Variants in SS18L1 observed in about 807,000 individuals in gnomAD.
SS18L1 encodes calcium-responsive transactivator.
SS18L1 carries 32 observed loss-of-function variants against 70.3 expected under a neutral mutation model. The observed-to-expected ratio is 0.46, with a 90% confidence interval of 0.34 to 0.61. The LOEUF (loss-of-function observed/expected upper bound fraction) is 0.61, where lower values mean the gene tolerates loss of function less well. SS18L1 is among the 20% of genes least tolerant of loss of function. The pLI is 0.01. For missense variants in SS18L1, 430 were observed against 542.1 expected, an observed-to-expected ratio of 0.79 and a Z score of 2.05; for synonymous variants, 237 against 229.7, an observed-to-expected ratio of 1.03 and a Z score of -0.29.
Position 62,172,781 on chromosome 20 carries a change from C to A in SS18L1, c.1016C>A (p.Pro339His). 6.2e-7 allele frequency: 1 copy of A among 1,613,948 alleles called. No individual in the cohort carries two copies. Among genetic ancestry groups the A allele is most frequent in the East Asian group, 2.2e-5 (1 of 44,866 alleles). ...QQQYPSQQSY[P>H]GQQQGYGSAQ... The stretch of plus-strand genomic sequence containing the variant: ...CAGTACCCCAGCCAGCAGAGCTACC[C>A]CGGGCAGCAGCAGGGCTACGGTAAG... Residue 339 changes from proline (P) to histidine (H), a missense_variant, in exon 9 of 11, where the codon CCC (proline) becomes CAC (histidine). Pro to His is a moderately conservative substitution (Grantham distance 77). Coordinates refer to ENST00000331758, the MANE Select transcript of SS18L1 (RefSeq NM_198935.3).
intron 1 of SS18L1, among the ~76,000 whole-genome samples, chr20:62,148,319 T>C (rs1364475233): frequency 2.0e-5 from 3 of 148,300 alleles, no homozygotes; most frequent in African/African-American, 7.4e-5. Context: ...CTGTCTTAGG[T>C]GAGGGAGGCT....
intron 7 of SS18L1, among the ~76,000 whole-genome samples, 158 bp from the exon 8 acceptor site, chr20:62,165,264 C>A (rs1318885280): frequency 2.6e-5 from 4 of 152,138 alleles, no homozygotes; most frequent in Non-Finnish European, 5.9e-5. Flanking sequence ...GGCCGAGGCT[C>A]AGGAGGTTGG....
chr20:62,172,087 G>A (rs988015983), intron 8 of SS18L1, among the ~76,000 whole-genome samples: 2 of 147,050 alleles, frequency 1.4e-5, no homozygotes, highest in African/African-American at 5.4e-5. Flanking sequence ...GCGTGAACCC[G>A]GGTGGGGCGG....
chr20:62,154,441 C>T (rs1016760389), intron 1 of SS18L1: 96 of 1,036,474 alleles, frequency 9.3e-5, no homozygotes, highest in Non-Finnish European at 1.0e-4. Context: ...AGGATCAGAC[C>T]GTAGCCCTTC....
chr20:62,148,189 C>T (rs554672264), intron 1 of SS18L1, among the ~76,000 whole-genome samples: 3 of 152,378 alleles, frequency 2.0e-5, no homozygotes, highest in Admixed American at 6.5e-5. Flanking sequence ...CTGGGCTCAG[C>T]CCCGGGGAGG....
chr20:62,162,674 A>C (rs1194050729), intron 4 of SS18L1, 78 bp from the exon 5 acceptor site: 3 of 1,465,612 alleles, frequency 2.0e-6, no homozygotes, highest in Non-Finnish European at 2.7e-6. Context: ...ACTTGAAGGG[A>C]AATTGGGGTG....
rs916585502 is a variant in SS18L1 at position 62,159,334 on chromosome 20, G to A, written c.147-543G>A. Among the ~76,000 whole-genome samples, 2 of 152,210 alleles carry A rather than the reference G, an allele frequency of 1.3e-5. No individual in the cohort carries two copies. Among genetic ancestry groups the A allele is most frequent in the Non-Finnish European group, 2.9e-5 (2 of 68,026 alleles). ...GTGGCCGTCAGACTGACCTGGAGGT[G>A]GGAAGTGCGTGAATGGCCTCAGACA... On this transcript the variant is annotated intron_variant, in intron 2 of 10. Coordinates refer to ENST00000331758, the MANE Select transcript of SS18L1 (RefSeq NM_198935.3). The surrounding 1 kb of genome is among the most constrained non-coding windows in gnomAD (Gnocchi z 4.4).
Position 62,174,937 on chromosome 20 carries a change from G to A in SS18L1, c.1164+293G>A, listed in dbSNP as rs894224765. On this transcript the variant is annotated intron_variant, in intron 10 of 10. Coordinates refer to ENST00000331758, the MANE Select transcript of SS18L1 (RefSeq NM_198935.3). This position sits in a 1 kb window ranked among gnomAD's most constrained non-coding sequence, Gnocchi z 4.1. ...TTTGTCACGTACTGGGTACGCGTCC[G>A]GTCTCTGCTGAGTGCTTGGTGTGTG... is the stretch of plus-strand genomic sequence containing the variant. 63 of 981,812 alleles carry A rather than the reference G, an allele frequency of 6.4e-5. No individual in the cohort carries two copies. Among genetic ancestry groups the A allele is most frequent in the Non-Finnish European group, 6.9e-5 (57 of 826,764 alleles). 60.8% of individuals were successfully genotyped at this position (981,812 alleles called of 1,614,324 possible).
chr20:62,145,358 T>C (rs570966523), intron 1 of SS18L1, among the ~76,000 whole-genome samples: 1 of 152,286 alleles, frequency 6.6e-6, no homozygotes, highest in African/African-American at 2.4e-5. Flanking sequence ...CACAGCCAGG[T>C]GTCGATCCCA....
chr20:62,173,562 T>C (rs755695802), intron 9 of SS18L1, among the ~76,000 whole-genome samples: 1 of 151,552 alleles, frequency 6.6e-6, no homozygotes, highest in Non-Finnish European at 1.5e-5. Context: ...ATACAAAAAT[T>C]AGCTGGGCAT....
rs201677571 is a variant in SS18L1, at chr20:62,167,038, G to GTTT, written c.916+1525_916+1527dup. On this transcript the variant is annotated intron_variant, in intron 8 of 10. Transcript: ENST00000331758. ...GAGGATTGCTTGAGCTCAGGAGTTT[G>GTTT]TTTGTTTTTTTTTTTTTTTTTTTTT... Among the ~76,000 whole-genome samples, 45 of 110,934 alleles carry GTTT rather than the reference G, an allele frequency of 4.1e-4. 2 individuals carry two copies. Among genetic ancestry groups the GTTT allele is most frequent in the African/African-American group, 2.0e-3 (44 of 21,548 alleles). The allele number at this position is 110,934 out of a possible 152,430, so 72.8% of individuals were successfully genotyped here.
intron 8 of SS18L1, among the ~76,000 whole-genome samples, chr20:62,170,148 A>G (rs2057504423): frequency 6.6e-6 from 1 of 152,166 alleles, no homozygotes. Context: ...TGTTTCACAC[A>G]CAGATGCGCC....
intron 1 of SS18L1, among the ~76,000 whole-genome samples, chr20:62,156,087 G>A (rs370161181): frequency 4.3e-4 from 66 of 151,950 alleles, no homozygotes; most frequent in African/African-American, 1.3e-3. Context: ...TAAACCTCGC[G>A]GCACTGCCCT....
intron 8 of SS18L1, among the ~76,000 whole-genome samples, chr20:62,169,371 C>A (rs1408752663): frequency 6.6e-6 from 1 of 152,364 alleles, no homozygotes; most frequent in African/African-American, 2.4e-5. Context: ...AGGGCTCAGG[C>A]AGTCCAGAGC....
At position 62,159,606 on chromosome 20, in the gene SS18L1, G is replaced by A. The variant is rs192532237; in HGVS notation, c.147-271G>A. ...TCTGAACAGACCAATGCCAGCTTCCGCTTAGCTGTTACCTTAGAGTCTTTC... is the reference window on the plus strand; with the variant it reads ...TCTGAACAGACCAATGCCAGCTTCCACTTAGCTGTTACCTTAGAGTCTTTC... On this transcript the variant is annotated intron_variant, in intron 2 of 10. Coordinates refer to ENST00000331758, the MANE Select transcript of SS18L1 (RefSeq NM_198935.3). This position sits in a 1 kb window ranked among gnomAD's most constrained non-coding sequence, Gnocchi z 4.4. Among the ~76,000 whole-genome samples, 5 of 152,180 alleles carry A rather than the reference G, an allele frequency of 3.3e-5. No individual in the cohort carries two copies. Among genetic ancestry groups the A allele is most frequent in the Admixed American group, 2.0e-4 (3 of 15,292 alleles).
In SS18L1 at chr20:62,180,666, C is replaced by T. The variant is rs916357435; in HGVS notation, c.*1458C>T. 12 of 162,390 alleles carry T rather than the reference C, an allele frequency of 7.4e-5. No homozygotes were observed. The highest frequency in any genetic ancestry group is 2.4e-4 in the African/African-American group (10 of 41,732). The allele number at this position is 162,390 out of a possible 1,614,324, so 10.1% of individuals were successfully genotyped here. The stretch of plus-strand genomic sequence containing the variant: ...ATCCCAGCACTTTGGGAGGCCGAAG[C>T]GGGCGGATCACCTGAGGTCGGGAGT... On this transcript the variant is annotated 3_prime_UTR_variant, in exon 11 of 11. Transcript: ENST00000331758.
At position 62,159,085 on chromosome 20, in the gene SS18L1, A is replaced by G. The variant is rs1198633765; in HGVS notation, c.146+337A>G. On this transcript the variant is annotated intron_variant, in intron 2 of 10. Transcript: ENST00000331758. The surrounding 1 kb of genome is among the most constrained non-coding windows in gnomAD (Gnocchi z 4.4). ...AGAGTCCCTGGCACAGCTGCGAAGC[A>G]TTGCTGCCAGAACTGGGGTAGTTCT... 2 of 1,440,372 alleles carry G rather than the reference A, an allele frequency of 1.4e-6. No individual in the cohort carries two copies. Among genetic ancestry groups the G allele is most frequent in the Non-Finnish European group, 1.9e-6 (2 of 1,078,800 alleles). The allele number at this position is 1,440,372 out of a possible 1,614,324, so 89.2% of individuals were successfully genotyped here. A position where few individuals can be genotyped will look rare whatever the true frequency, so the allele number is the denominator to read the frequency against.
intron 10 of SS18L1, 70 bp from the exon 11 acceptor site, chr20:62,179,112 C>G: frequency 6.4e-7 from 1 of 1,563,084 alleles, no homozygotes; most frequent in Non-Finnish European, 8.8e-7. Flanking sequence ...CCTGTCCGGG[C>G]TGGGGTGGAC....
Position 62,175,325 on chromosome 20 carries a change from G to A in SS18L1, c.1164+681G>A. The A allele has an allele frequency of 3.0e-6, 3 of 985,440 alleles. No individual in the cohort carries two copies. The South Asian group carries it at 1.4e-4, about 46-fold the overall frequency. The allele number at this position is 985,440 out of a possible 1,614,324, so 61.0% of individuals were successfully genotyped here. A position where few individuals can be genotyped will look rare whatever the true frequency, so the allele number is the denominator to read the frequency against. On this transcript the variant is annotated intron_variant, in intron 10 of 10. Coordinates refer to ENST00000331758, the MANE Select transcript of SS18L1 (RefSeq NM_198935.3). ...GGTGACAGGGACAGGTGGGCGTAGG[G>A]GCCTCCATAAAGCAGACATCGCTTT...
Sources: gnomAD v4.1 joint callset for allele counts (sites outside exome capture counted in the v4.1 genomes callset) on GRCh38, gnomAD v4.1.1 for gene constraint, Gnocchi (gnomAD v3.1) non-coding constraint, MANE v1.5 for transcripts, NCBI Gene and HGNC (gene_info 2026-07-23, HGNC 2026-07-21) for gene names.